ATOSA: variants seen among roughly 807,000 people sequenced by gnomAD.
ATOSA encodes atos homolog A.
chr15:52,665,855 C>T, the ATOSA span, among the ~76,000 whole-genome samples: 1 of 151,996 alleles, frequency 6.6e-6, no homozygotes, highest in East Asian at 1.9e-4. Flanking sequence ...ATGACACAGG[C>T]ATGCAAAAGT....
At chr15:52,598,278 G>T in the ATOSA span, among the ~76,000 whole-genome samples, 1 of 152,200 alleles carries the variant, frequency 6.6e-6, no homozygotes, top group African/African-American at 2.4e-5. Flanking sequence ...GTGTTGGGCT[G>T]CATTCAAAGC....
At chr15:52,641,021 C>A in the ATOSA span, among the ~76,000 whole-genome samples, 1 of 152,084 alleles carries the variant, frequency 6.6e-6, no homozygotes, top group African/African-American at 2.4e-5. Context: ...TTCTTTTAAG[C>A]GTCTTTTGAA....
the ATOSA span, among the ~76,000 whole-genome samples, chr15:52,624,780 A>ATT: frequency 9.3e-3 from 1,318 of 141,980 alleles, 15 homozygotes; most frequent in South Asian, 0.029. Context: ...GTACCTGCTT[A>ATT]TTTTTTTTTT....
At chr15:52,640,735 G>A in the ATOSA span, among the ~76,000 whole-genome samples, 1 of 151,684 alleles carries the variant, frequency 6.6e-6, no homozygotes, top group African/African-American at 2.4e-5. Context: ...AAAACAAAGT[G>A]AGCAAACTAT....
chr15:52,665,933 A>G, the ATOSA span, among the ~76,000 whole-genome samples: 1 of 152,202 alleles, frequency 6.6e-6, no homozygotes. Flanking sequence ...TACAAATTAC[A>G]TTAGGTAAAA....
the ATOSA span, among the ~76,000 whole-genome samples, chr15:52,643,641 C>T: frequency 1.2e-4 from 18 of 150,392 alleles, no homozygotes; most frequent in African/African-American, 2.0e-4. Flanking sequence ...TTTAGCCGGG[C>T]GCAGTGGCTC....
chr15:52,661,931 C>CAAA, the ATOSA span, among the ~76,000 whole-genome samples: 5,384 of 72,178 alleles, frequency 0.075, 442 homozygotes, highest in East Asian at 0.27. Context: ...CAAGCCAGGC[C>CAAA]AAAAAAAAAA....
the ATOSA span, among the ~76,000 whole-genome samples, chr15:52,644,895 T>C: frequency 8.5e-5 from 13 of 152,356 alleles, no homozygotes; most frequent in East Asian, 1.2e-3. Flanking sequence ...GGATTATAGA[T>C]TGATCACAGC....
chr15:52,611,747 C>T, the ATOSA span: 4 of 1,613,868 alleles, frequency 2.5e-6, no homozygotes, highest in Non-Finnish European at 3.4e-6. Flanking sequence ...AACAATGTGA[C>T]CTCAGACCTA....
the ATOSA span, among the ~76,000 whole-genome samples, chr15:52,694,136 G>A: frequency 6.7e-6 from 1 of 149,422 alleles, no homozygotes; most frequent in Non-Finnish European, 1.5e-5. Context: ...GTGTGTGTGT[G>A]CGTGTGTGTG....
At chr15:52,616,765 T>C in the ATOSA span, among the ~76,000 whole-genome samples, 6 of 152,172 alleles carry the variant, frequency 3.9e-5, no homozygotes, top group African/African-American at 1.2e-4. Context: ...GCAATGACCA[T>C]AGACTGCCAT....
At chr15:52,708,019 G>C in the ATOSA span, among the ~76,000 whole-genome samples, 3 of 152,184 alleles carry the variant, frequency 2.0e-5, no homozygotes, top group Non-Finnish European at 4.4e-5. Context: ...AACCTCAGGA[G>C]GCTTGGAGAT....
the ATOSA span, among the ~76,000 whole-genome samples, chr15:52,643,870 G>A: frequency 0.01 from 1,568 of 151,626 alleles, 25 homozygotes; most frequent in African/African-American, 0.036. Flanking sequence ...CCGAGATCAC[G>A]CCACTGCACT....
the ATOSA span, chr15:52,611,245 G>C: frequency 6.2e-7 from 1 of 1,612,404 alleles, no homozygotes. Context: ...TCAATAAATC[G>C]GTCACCATTC....
the ATOSA span, among the ~76,000 whole-genome samples, chr15:52,699,450 A>G: frequency 2.6e-5 from 4 of 151,308 alleles, no homozygotes; most frequent in Non-Finnish European, 5.9e-5. Context: ...TTTTAATCCT[A>G]TCTTGTGCAC....
At chr15:52,662,059 G>C in the ATOSA span, among the ~76,000 whole-genome samples, 2 of 152,094 alleles carry the variant, frequency 1.3e-5, no homozygotes, top group East Asian at 3.9e-4. Flanking sequence ...AGTCAAAGAG[G>C]TTGGTGATTA....
At chr15:52,600,256 CA>C in the ATOSA span, 2 of 1,427,988 alleles carry the variant, frequency 1.4e-6, no homozygotes, top group African/African-American at 1.4e-5. Flanking sequence ...AACAAATCAG[CA>C]AAAGAACACA....
chr15:52,624,823 G>C, the ATOSA span, among the ~76,000 whole-genome samples: 8 of 151,086 alleles, frequency 5.3e-5, no homozygotes, highest in East Asian at 1.6e-3. Flanking sequence ...TGTCACCCAG[G>C]CTGGAGTGTG....
At chr15:52,603,817 C>A in the ATOSA span, among the ~76,000 whole-genome samples, 1 of 151,690 alleles carries the variant, frequency 6.6e-6, no homozygotes, top group Non-Finnish European at 1.5e-5. Flanking sequence ...AGGATGGTTG[C>A]CAGAGGCTTG....
Sources: gnomAD v4.1 joint callset for allele counts (sites outside exome capture counted in the v4.1 genomes callset) on GRCh38, gnomAD v4.1.1 for gene constraint, MANE v1.5 for transcripts, NCBI Gene and HGNC (gene_info 2026-07-23, HGNC 2026-07-21) for gene names.